RNF220: variants seen among roughly 807,000 people sequenced by gnomAD.
The protein encoded by RNF220 is ring finger protein 220, also known as E3 ubiquitin-protein ligase RNF220.
Under a neutral mutation model 67.1 loss-of-function variants are expected in RNF220, and 7 were observed. The ratio of observed to expected loss-of-function variants is 0.10; its 90% CI spans 0.06 to 0.20. The LOEUF (loss-of-function observed/expected upper bound fraction) is 0.20. Among genes scored for constraint, RNF220 ranks in the 10% least tolerant of loss-of-function variants. The probability of loss-of-function intolerance (pLI) is 1.00; values close to 1 mark genes in which losing one functional copy is unlikely to be tolerated. For synonymous variants in RNF220, 270 were observed against 283.2 expected (o/e 0.95, Z 0.47); for missense variants, 565 against 740.3 (o/e 0.76, Z 2.75).
At chr1:44,610,829 T>C (rs1404889606) in intron 2 of RNF220, among the ~76,000 whole-genome samples, 2 of 152,184 alleles carry the variant, frequency 1.3e-5, no homozygotes, top group East Asian at 3.9e-4. Context: ...CTCCCAAGCC[T>C]AGGAAGAGTA....
chr1:44,462,312 A>T (rs1653856006), intron 2 of RNF220, among the ~76,000 whole-genome samples: 1 of 152,192 alleles, frequency 6.6e-6, no homozygotes, highest in South Asian at 2.1e-4. Context: ...AGTCTGTAGC[A>T]ATACTACTAA....
At chr1:44,490,313 A>T (rs1656735923) in intron 2 of RNF220, among the ~76,000 whole-genome samples, 2 of 151,726 alleles carry the variant, frequency 1.3e-5, no homozygotes, top group African/African-American at 2.4e-5. Context: ...TAGTAAAGAT[A>T]AAAAAAATTA....
At chr1:44,640,024 A>G (rs1172388009) in intron 8 of RNF220, among the ~76,000 whole-genome samples, 1 of 152,206 alleles carries the variant, frequency 6.6e-6, no homozygotes, top group Non-Finnish European at 1.5e-5. Flanking sequence ...TCCTGACCTC[A>G]GGTGATCCAC....
chr1:44,482,753 C>G (rs1245711545), intron 2 of RNF220, among the ~76,000 whole-genome samples: 1 of 151,900 alleles, frequency 6.6e-6, no homozygotes, highest in Non-Finnish European at 1.5e-5. Flanking sequence ...TCCTGTGTAG[C>G]TGGGATTACA....
rs1416304269 is a variant in RNF220 at position 44,621,300 on chromosome 1, G to A, written c.759-1442G>A. ...TATGCGTGTCTGAGTCTCCAGGTGT[G>A]ACTGGTTATATCTGTGCCTGTTGGC... On this transcript the variant is annotated intron_variant, in intron 3 of 14. Coordinates refer to ENST00000361799, the MANE Select transcript of RNF220 (RefSeq NM_018150.4). This position sits in a 1 kb window ranked among gnomAD's most constrained non-coding sequence, Gnocchi z 4.8. Among the ~76,000 whole-genome samples the A allele has an allele frequency of 6.6e-6, 1 of 152,188 alleles. No individual in the cohort carries two copies. The highest frequency in any genetic ancestry group is 1.5e-5 in the Non-Finnish European group (1 of 68,030).
At chr1:44,493,510 G>A (rs750042771) in intron 2 of RNF220, among the ~76,000 whole-genome samples, 10 of 151,898 alleles carry the variant, frequency 6.6e-5, no homozygotes, top group African/African-American at 1.2e-4. Flanking sequence ...GCAAGACTCC[G>A]TCTCAAAAAA....
intron 2 of RNF220, among the ~76,000 whole-genome samples, chr1:44,478,402 G>A (rs753218670): frequency 9.5e-5 from 14 of 147,652 alleles, no homozygotes; most frequent in Non-Finnish European, 1.5e-4. Flanking sequence ...CAGGATAGCA[G>A]CAATAAATTA....
At chr1:44,433,245 A>C (rs949981572) in intron 2 of RNF220, among the ~76,000 whole-genome samples, 4 of 152,046 alleles carry the variant, frequency 2.6e-5, no homozygotes, top group African/African-American at 9.7e-5. Flanking sequence ...AGCATTTTTA[A>C]ATTATTTGTC....
At chr1:44,556,784 C>T (rs141409403) in intron 2 of RNF220, among the ~76,000 whole-genome samples, 4,150 of 152,254 alleles carry the variant, frequency 0.027, 216 homozygotes, top group African/African-American at 0.095. Flanking sequence ...TGGTCTCAAT[C>T]TCCTGACCTT....
At chr1:44,540,513 A>G (rs989156862) in intron 2 of RNF220, among the ~76,000 whole-genome samples, 1 of 152,120 alleles carries the variant, frequency 6.6e-6, no homozygotes, top group Admixed American at 6.5e-5. Context: ...TATGGAGAAA[A>G]ATGAAAAATT....
chr1:44,482,434 G>T (rs1427972192), intron 2 of RNF220, among the ~76,000 whole-genome samples: 1 of 152,078 alleles, frequency 6.6e-6, no homozygotes. Flanking sequence ...TCACCTTTTA[G>T]ATACTGCATA....
chr1:44,548,677 A>G (rs1662371785), intron 2 of RNF220, among the ~76,000 whole-genome samples: 1 of 152,036 alleles, frequency 6.6e-6, no homozygotes, highest in Admixed American at 6.6e-5. Context: ...ATTTTTGTAG[A>G]GACAGGGTCT....
chr1:44,628,176 A>G (rs867272316), intron 5 of RNF220, among the ~76,000 whole-genome samples: 1 of 152,252 alleles, frequency 6.6e-6, no homozygotes, highest in African/African-American at 2.4e-5. Flanking sequence ...CCAGAGGAAT[A>G]GACAGCCCCA....
intron 2 of RNF220, among the ~76,000 whole-genome samples, chr1:44,574,133 G>A (rs364242): frequency 5.3e-5 from 8 of 152,100 alleles, no homozygotes; most frequent in Non-Finnish European, 1.0e-4. Flanking sequence ...GGATGGATGA[G>A]TGAATGAACG....
At position 44,650,764 on chromosome 1, in the gene RNF220, A is replaced by G; in HGVS notation, c.1690A>G (p.Ile564Val). The G allele has an allele frequency of 1.2e-6, 2 of 1,613,682 alleles. No homozygotes were observed. Among genetic ancestry groups the G allele is most frequent in the Non-Finnish European group, 1.7e-6 (2 of 1,179,946 alleles). The change falls in exon 15 of 15, where the codon ATC becomes GTC. Residue 564 changes from isoleucine to valine, a missense_variant. Physicochemically the swap from Ile to Val is conservative, Grantham distance 29. Coordinates refer to ENST00000361799, the MANE Select transcript of RNF220 (RefSeq NM_018150.4). The surrounding 1 kb of genome is among the most constrained non-coding windows in gnomAD (Gnocchi z 4.3). ...TITAPGDLRR[I>V]YL ...CACAGCGCCCGGAGACCTGCGGAGG[A>G]TCTACTTGTGAGCTATCTGCCCCAG...
intron 2 of RNF220, among the ~76,000 whole-genome samples, chr1:44,505,899 C>G (rs959326675): frequency 1.3e-5 from 2 of 152,238 alleles, no homozygotes; most frequent in East Asian, 3.9e-4. Flanking sequence ...TCCCCTCCCC[C>G]CATGCCCTGC....
At chr1:44,603,936 A>G (rs1259882021) in intron 2 of RNF220, among the ~76,000 whole-genome samples, 1 of 152,238 alleles carries the variant, frequency 6.6e-6, no homozygotes, top group East Asian at 1.9e-4. Flanking sequence ...CCTCCTTGGC[A>G]GCTCAGGATT....
intron 2 of RNF220, among the ~76,000 whole-genome samples, chr1:44,429,047 C>T (rs1053727492): frequency 1.3e-5 from 2 of 152,010 alleles, no homozygotes; most frequent in Non-Finnish European, 2.9e-5. Context: ...TTCCCCAAAA[C>T]TGTCTTTTGC....
chr1:44,436,315 C>T (rs899390417), intron 2 of RNF220, among the ~76,000 whole-genome samples: 40 of 152,114 alleles, frequency 2.6e-4, no homozygotes, highest in African/African-American at 9.2e-4. Context: ...AGATGGCTTT[C>T]ACCCTTAGTG....
Sources: gnomAD v4.1 joint callset for allele counts (sites outside exome capture counted in the v4.1 genomes callset) on GRCh38, gnomAD v4.1.1 for gene constraint, Gnocchi (gnomAD v3.1) non-coding constraint, MANE v1.5 for transcripts, NCBI Gene and HGNC (gene_info 2026-07-23, HGNC 2026-07-21) for gene names.